Variants in RIF1 observed in about 807,000 individuals in gnomAD.
RIF1 encodes replication timing regulatory factor 1, also known as telomere-associated protein RIF1.
RIF1 carries 45 observed loss-of-function variants against 247.1 expected under a neutral mutation model. The observed-to-expected ratio is 0.18, with a 90% CI of 0.14 to 0.23. The LOEUF is 0.23. Among genes scored for constraint, RIF1 ranks in the 10% least tolerant of loss-of-function variants. RIF1 has a pLI of 1.00. For missense variants in RIF1, 2,967 were observed against 2,862.5 expected, an observed-to-expected ratio of 1.04 and a Z score of -0.83; for synonymous variants, 1,087 against 978.8, an observed-to-expected ratio of 1.11 and a Z score of -2.06.
Position 151,462,904 on chromosome 2 carries a change from C to G in RIF1, c.3384C>G (p.Asp1128Glu). ...TGCAGGAGGAGCAAATGGACAGTGA[C>G]ATTGTCATTCCTCAAGATGTCACGG... ...MMITEEQMDS[D>E]IVIPQDVTED... The change falls in exon 30 of 36, where the codon GAC (aspartate) becomes GAG (glutamate). Residue 1128 changes from aspartate to glutamate, a missense_variant. By Grantham distance (45) the Asp-to-Glu change is conservative. This residue lies in a region of RIF1 where 2,028 missense variants were observed against 1,825.6 expected (regional missense o/e 1.11). Transcript: ENST00000444746. 6.2e-7 allele frequency: 1 copy of G among 1,606,818 alleles called. No homozygotes were observed. The highest frequency in any genetic ancestry group is 8.5e-7 in the Non-Finnish European group (1 of 1,177,010).
chr2:151,465,780 CAAAT>C lies in RIF1; in HGVS notation c.6262_6265del (p.Asn2088LeufsTer10). The C allele has an allele frequency of 6.2e-7, 1 of 1,612,886 alleles. No individual in the cohort carries two copies. The highest frequency in any genetic ancestry group is 2.2e-5 in the East Asian group (1 of 44,880). ...ATCATTGACGCTAATAAAACTGAAA[CAAAT>C]ACTGAGTATAGTAAATCTGAAGAAA... On this transcript the variant is annotated frameshift_variant, in exon 30 of 36. Coordinates refer to ENST00000444746, the MANE Select transcript of RIF1 (RefSeq NM_018151.5). LOFTEE classifies it high-confidence loss of function.
Position 151,464,895 on chromosome 2 carries a change from A to G in RIF1, c.5375A>G (p.His1792Arg), listed in dbSNP as rs753574301. Reference sequence around the variant, plus strand: ...GAAGGACAATTTTTAGATGAACATCATAGTGTGAATTTTCATTTGGGTCTC... The same window carrying G: ...GAAGGACAATTTTTAGATGAACATCGTAGTGTGAATTTTCATTTGGGTCTC... ...YSEGQFLDEH[H>R]SVNFHLGLKE... The change falls in exon 30 of 36, where the codon CAT (histidine) becomes CGT (arginine). Residue 1792 changes from histidine (H) to arginine (R), a missense_variant. Transcript: ENST00000444746. The G allele has an allele frequency of 5.1e-6, 8 of 1,584,048 alleles. No homozygotes were observed. The Admixed American group carries it at 7.7e-5, about 15-fold the overall frequency.
At chr2:151,498,802 A>C (rs956148054) in intron 10 of RIF1, among the ~76,000 whole-genome samples, 1 of 152,186 alleles carries the variant, frequency 6.6e-6, no homozygotes, top group Non-Finnish European at 1.5e-5. Flanking sequence ...GTTCACTTTC[A>C]AAAGAAGTCA....
At chr2:151,522,186 G>A in the RIF1 span, among the ~76,000 whole-genome samples, 1 of 152,128 alleles carries the variant, frequency 6.6e-6, no homozygotes, top group Non-Finnish European at 1.5e-5. Flanking sequence ...TGTATTTGAA[G>A]TTTAAGATCT....
intron 21 of RIF1, among the ~76,000 whole-genome samples, chr2:151,454,277 G>T (rs187351851): frequency 1.3e-4 from 20 of 152,248 alleles, no homozygotes; most frequent in Middle Eastern, 3.4e-3. Context: ...GGCTATGTGG[G>T]TTTATTCTTC....
intron 3 of RIF1, among the ~76,000 whole-genome samples, chr2:151,413,496 A>T (rs1686648358): frequency 6.6e-6 from 1 of 152,222 alleles, no homozygotes; most frequent in Non-Finnish European, 1.5e-5. Flanking sequence ...ACATGTTTAT[A>T]TGTCGTGTTC....
At chr2:151,470,794 GA>G (rs1281924318) in intron 34 of RIF1, among the ~76,000 whole-genome samples, 1 of 152,088 alleles carries the variant, frequency 6.6e-6, no homozygotes, top group Non-Finnish European at 1.5e-5. Flanking sequence ...TGGTTACTCA[GA>G]AAACCAATAC....
chr2:151,492,164 C>T, intron 9 of RIF1: 2 of 1,613,858 alleles, frequency 1.2e-6, no homozygotes, highest in Non-Finnish European at 1.7e-6. Flanking sequence ...CTCTGAATAC[C>T]TCGGTAGTTA....
intron 2 of RIF1, 69 bp from the exon 3 acceptor site, chr2:151,411,191 A>G (rs1180290517): frequency 4.3e-6 from 4 of 925,574 alleles, no homozygotes; most frequent in Admixed American, 2.3e-5. Context: ...AAGATTGTAC[A>G]TGTATTTTTG....
intron 16 of RIF1, among the ~76,000 whole-genome samples, chr2:151,442,864 C>T (rs569290359): frequency 1.5e-4 from 23 of 150,468 alleles, no homozygotes; most frequent in Non-Finnish European, 2.2e-4. Flanking sequence ...CTAATTCTCC[C>T]GGTCTCATGC....
chr2:151,482,205 G>GT (rs1288818024), downstream of RIF1: 1 of 152,120 alleles, frequency 6.6e-6, no homozygotes, highest in Non-Finnish European at 1.5e-5. Flanking sequence ...CTACATTTTG[G>GT]TTTTTTGTTT....
chr2:151,411,993 C>CTT (rs1433923645), intron 3 of RIF1, among the ~76,000 whole-genome samples: 1 of 152,158 alleles, frequency 6.6e-6, no homozygotes, highest in African/African-American at 2.4e-5. Flanking sequence ...GTTTTCTTTC[C>CTT]TTTTGGGAAT....
At chr2:151,508,723 C>T (rs2071369346), downstream of RIF1, among the ~76,000 whole-genome samples, 1 of 152,210 alleles carries the variant, frequency 6.6e-6, no homozygotes. Context: ...ACAGACACAC[C>T]TGGAGCACTA....
chr2:151,511,265 A>G (rs1487314739), downstream of RIF1, among the ~76,000 whole-genome samples: 3 of 152,232 alleles, frequency 2.0e-5, no homozygotes, highest in Non-Finnish European at 4.4e-5. Flanking sequence ...TAAAAAGCTA[A>G]TTATTCTTCT....
At chr2:151,533,627 T>TTCACTCA in the RIF1 span, 1 of 867,996 alleles carries the variant, frequency 1.2e-6, no homozygotes, top group Non-Finnish European at 1.9e-6. Context: ...CAATCACCTC[T>TTCACTCA]GAGTGAAGAG....
In RIF1 at chr2:151,455,016, A is replaced by G. The variant is rs1277011458; in HGVS notation, c.2466A>G (p.Ala822=). ...TCCACACACTGAGCTTCAAGGAAGC[A>G]CATTCTGATACCCTCTTCACTATTG... is the stretch of plus-strand genomic sequence containing the variant. ...YSFHTLSFKE[A]HSDTLFTIGN... The change falls in exon 22 of 36, where the codon GCA becomes GCG. Residue 822 remains alanine, a synonymous_variant. Transcript: ENST00000444746. 1.9e-6 allele frequency: 3 copies of G among 1,613,968 alleles called. No homozygotes were observed. The highest frequency in any genetic ancestry group is 1.1e-5 in the South Asian group (1 of 91,076).
At chr2:151,450,806 A>G (rs1389575921) in intron 20 of RIF1, among the ~76,000 whole-genome samples, 2 of 151,894 alleles carry the variant, frequency 1.3e-5, no homozygotes, top group African/African-American at 4.8e-5. Flanking sequence ...CTGGTCTCGA[A>G]CTCCAGACCT....
chr2:151,468,167 T>C (rs757287555), intron 31 of RIF1, 21 bp downstream of exon 31: 1 of 1,583,226 alleles, frequency 6.3e-7, no homozygotes. Flanking sequence ...GGCTTTAAAA[T>C]ATACATATAT....
In RIF1 at chr2:151,465,052, T is replaced by C. The variant is rs780677977; in HGVS notation, c.5532T>C (p.Ser1844=). The C allele has an allele frequency of 5.7e-6, 9 of 1,590,560 alleles. No homozygotes were observed. In the African/African-American group the frequency reaches 1.1e-4, roughly 19 times the overall value. Residue 1844 remains serine (S), a synonymous_variant, in exon 30 of 36, where the codon AGT becomes AGC. Transcript: ENST00000444746. The stretch of plus-strand genomic sequence containing the variant: ...AGGAAATTTGTGATATGGATTCTAG[T>C]GAAGCAATGTCTCTTGAAAGCCAGG... ...FREEICDMDS[S]EAMSLESQES...
Sources: gnomAD v4.1 joint callset for allele counts (sites outside exome capture counted in the v4.1 genomes callset) on GRCh38, gnomAD v4.1.1 for gene constraint, gnomAD v4.1.1 regional missense constraint, MANE v1.5 for transcripts, NCBI Gene and HGNC (gene_info 2026-07-23, HGNC 2026-07-21) for gene names.